Variants in ARFGEF3 observed in about 807,000 individuals in gnomAD.
ARFGEF3 encodes the protein brefeldin A-inhibited guanine nucleotide-exchange protein 3.
A neutral mutation model predicts 221.7 loss-of-function variants in ARFGEF3; 96 were observed. That is an observed-to-expected ratio of 0.43 (90% CI 0.37 to 0.51). The LOEUF is 0.51. Among genes scored for constraint, ARFGEF3 ranks in the 20% least tolerant of loss-of-function variants. The pLI, the probability that ARFGEF3 is intolerant of heterozygous loss-of-function variation, is 0.00. For missense variants in ARFGEF3, 2,410 were observed against 2,789.9 expected (o/e 0.86, Z 3.07); for synonymous variants, 1,145 against 1,126.8 (o/e 1.02, Z -0.32).
At chr6:138,200,353 G>A (rs1249662609) in intron 2 of ARFGEF3, among the ~76,000 whole-genome samples, 1 of 152,064 alleles carries the variant, frequency 6.6e-6, no homozygotes, top group Non-Finnish European at 1.5e-5. Flanking sequence ...CCAAAAAAGA[G>A]CCCGCATAGC....
At chr6:138,220,506 T>C (rs903387990) in intron 4 of ARFGEF3, among the ~76,000 whole-genome samples, 3 of 152,226 alleles carry the variant, frequency 2.0e-5, no homozygotes, top group African/African-American at 7.2e-5. Context: ...ATCTGTAGGC[T>C]GCCCTAAGCA....
chr6:138,218,426 G>A, intron 4 of ARFGEF3: 1 of 1,498,268 alleles, frequency 6.7e-7, no homozygotes, highest in Non-Finnish European at 8.9e-7. Flanking sequence ...TTGTAGCTCT[G>A]TAGCATAGAA....
At chr6:138,332,998 A>G (rs1488212765) in intron 32 of ARFGEF3, among the ~76,000 whole-genome samples, 1 of 152,252 alleles carries the variant, frequency 6.6e-6, no homozygotes, top group Non-Finnish European at 1.5e-5. Flanking sequence ...GACATAAAGC[A>G]AAATGTTATT....
intron 8 of ARFGEF3, among the ~76,000 whole-genome samples, chr6:138,251,739 T>C (rs1778587283): frequency 6.6e-6 from 1 of 151,942 alleles, no homozygotes; most frequent in Admixed American, 6.6e-5. Context: ...CATGCCACAG[T>C]CTCCTACTTG....
chr6:138,275,374 T>A (rs1481677227), intron 12 of ARFGEF3, among the ~76,000 whole-genome samples: 1 of 152,178 alleles, frequency 6.6e-6, no homozygotes, highest in Non-Finnish European at 1.5e-5. Flanking sequence ...TATACTGCCC[T>A]CAAATATGGC....
chr6:138,293,174 GCACTGTTTGC>G (rs1779445196), intron 19 of ARFGEF3, among the ~76,000 whole-genome samples: 1 of 152,176 alleles, frequency 6.6e-6, no homozygotes, highest in African/African-American at 2.4e-5. Flanking sequence ...TGCCCCCACA[GCACTGTTTGC>G]CCTGCGGTGT....
chr6:138,302,646 A>G (rs181895163), intron 22 of ARFGEF3, among the ~76,000 whole-genome samples: 128 of 152,350 alleles, frequency 8.4e-4, no homozygotes, highest in African/African-American at 3.0e-3. Context: ...CAAGAGAAAG[A>G]CTACATTACT....
In ARFGEF3 at chr6:138,339,135, G is replaced by GTGAC. The variant is rs1433614833; in HGVS notation, c.*2650_*2653dup. 1 of 152,302 alleles carries GTGAC rather than the reference G, an allele frequency of 6.6e-6. No homozygotes were observed. Among genetic ancestry groups the GTGAC allele is most frequent in the African/African-American group, 2.4e-5 (1 of 41,454 alleles). The allele number at this position is 152,302 out of a possible 1,614,324, so 9.4% of individuals were successfully genotyped here. A position where few individuals can be genotyped will look rare whatever the true frequency, so the allele number is the denominator to read the frequency against. ...AGATTTCAACCAGAACCATCACTGA[G>GTGAC]TGACAGCAGTACTTCTCAGAGGTAT... On this transcript the variant is annotated 3_prime_UTR_variant, in exon 34 of 34. Coordinates refer to ENST00000251691, the MANE Select transcript of ARFGEF3 (RefSeq NM_020340.5).
Position 138,263,517 on chromosome 6 carries a change from G to A in ARFGEF3, c.2034G>A (p.Gln678=). ...ADQHSARLFI[Q]SLEGLLPRLL... is the part of the protein sequence containing the mutation. ...AGCACAGCGCCAGGCTGTTCATACA[G>A]TCCCTGGAAGGCCTCCTCCCTCGGC... The change falls in exon 12 of 34, where the codon CAG becomes CAA. Residue 678 remains glutamine, a synonymous_variant. Transcript: ENST00000251691. 5 of 1,613,654 alleles carry A rather than the reference G, an allele frequency of 3.1e-6. No individual in the cohort carries two copies. Among genetic ancestry groups the A allele is most frequent in the Non-Finnish European group, 4.2e-6 (5 of 1,179,856 alleles).
chr6:138,253,622 C>G (rs940220997), intron 8 of ARFGEF3, among the ~76,000 whole-genome samples: 9 of 152,152 alleles, frequency 5.9e-5, no homozygotes, highest in Non-Finnish European at 1.2e-4. Flanking sequence ...TAGCATCCCC[C>G]CTAGTGAACT....
intron 19 of ARFGEF3, among the ~76,000 whole-genome samples, chr6:138,292,411 G>C (rs754755729): frequency 6.6e-6 from 1 of 152,108 alleles, no homozygotes; most frequent in Non-Finnish European, 1.5e-5. Flanking sequence ...TTAGTAACTT[G>C]ATGCACCTGG....
intron 14 of ARFGEF3, among the ~76,000 whole-genome samples, chr6:138,281,305 C>T (rs188234107): frequency 6.6e-6 from 1 of 151,966 alleles, no homozygotes; most frequent in African/African-American, 2.4e-5. Flanking sequence ...TGTGATAGTT[C>T]TCTCTCTATA....
intron 22 of ARFGEF3, among the ~76,000 whole-genome samples, chr6:138,302,341 T>C (rs115022904): frequency 1.8e-3 from 278 of 152,244 alleles, no homozygotes; most frequent in African/African-American, 5.5e-3. Context: ...CAGAAAGAGA[T>C]GGCAGAAGAA....
rs1306067185 is a variant in ARFGEF3 at position 138,291,167 on chromosome 6, C to T, written c.3048-566C>T. The stretch of plus-strand genomic sequence containing the variant: ...ATGTGGTGACCCTTCTCTGTGTCTG[C>T]CATAATTCGGTGACTGCCCTCCCAC... On this transcript the variant is annotated intron_variant, in intron 18 of 33. Coordinates refer to ENST00000251691, the MANE Select transcript of ARFGEF3 (RefSeq NM_020340.5). This position sits in a 1 kb window ranked among gnomAD's most constrained non-coding sequence, Gnocchi z 4.5. Among the ~76,000 whole-genome samples, 1 of 152,128 alleles carries T rather than the reference C, an allele frequency of 6.6e-6. No individual in the cohort carries two copies. Among genetic ancestry groups the T allele is most frequent in the African/African-American group, 2.4e-5 (1 of 41,442 alleles).
At chr6:138,283,389 CT>C (rs2114623870) in intron 14 of ARFGEF3, among the ~76,000 whole-genome samples, 1 of 152,322 alleles carries the variant, frequency 6.6e-6, no homozygotes, top group African/African-American at 2.4e-5. Context: ...TTAGCCATCG[CT>C]GTTATTAATG....
chr6:138,281,826 GC>G (rs1779201597), intron 14 of ARFGEF3, among the ~76,000 whole-genome samples: 1 of 152,220 alleles, frequency 6.6e-6, no homozygotes, highest in African/African-American at 2.4e-5. Flanking sequence ...CGGCCATAAT[GC>G]CAAAGATTGG....
intron 22 of ARFGEF3, among the ~76,000 whole-genome samples, chr6:138,299,795 TC>T (rs1779597460): frequency 6.6e-6 from 1 of 152,120 alleles, no homozygotes; most frequent in South Asian, 2.1e-4. Context: ...AAAACAAACT[TC>T]CTGAGGATAC....
chr6:138,245,462 C>T (rs1778468122), intron 7 of ARFGEF3, 51 bp from the exon 8 acceptor site: 8 of 1,286,844 alleles, frequency 6.2e-6, no homozygotes, highest in Admixed American at 1.9e-5. Context: ...TCAGGGAGCT[C>T]GTCGTGCCCC....
intron 6 of ARFGEF3, among the ~76,000 whole-genome samples, chr6:138,242,740 A>T (rs1778415948): frequency 6.6e-6 from 1 of 152,184 alleles, no homozygotes; most frequent in African/African-American, 2.4e-5. Context: ...GGGAACTGAT[A>T]AGCTCAATTC....
Sources: allele counts gnomAD v4.1 joint callset (sites outside exome capture counted in the v4.1 genomes callset), GRCh38; gene constraint gnomAD v4.1.1; non-coding constraint Gnocchi (gnomAD v3.1); transcripts MANE v1.5; gene names NCBI Gene and HGNC (gene_info 2026-07-23, HGNC 2026-07-21).